The following AFG2B variants were observed in gnomAD, a reference collection of about 807,000 sequenced individuals.
AFG2B encodes AAA ATPase AFG2B, also known as ATPase family gene 2 protein homolog B.
chr15:45,405,279 A>G, the AFG2B span: 2 of 1,576,882 alleles, frequency 1.3e-6, no homozygotes, highest in Non-Finnish European at 1.7e-6. Flanking sequence ...ATTTTAAACT[A>G]TATACTTCTT....
the AFG2B span, among the ~76,000 whole-genome samples, chr15:45,409,739 G>A: frequency 6.6e-6 from 1 of 151,918 alleles, no homozygotes; most frequent in African/African-American, 2.4e-5. Context: ...CCAGGCTGGT[G>A]GCACATACCT....
the AFG2B span, among the ~76,000 whole-genome samples, chr15:45,406,773 AC>A: frequency 1.3e-5 from 2 of 152,178 alleles, no homozygotes; most frequent in African/African-American, 4.8e-5. Flanking sequence ...ATTTTGAAAA[AC>A]CTTTTTACCT....
At chr15:45,417,115 T>C in the AFG2B span, 1 of 797,098 alleles carries the variant, frequency 1.3e-6, no homozygotes, top group South Asian at 2.0e-5. Flanking sequence ...GATATCTTGA[T>C]ATCAAGAAGC....
At chr15:45,405,458 G>A in the AFG2B span, 5 of 1,613,936 alleles carry the variant, frequency 3.1e-6, no homozygotes, top group African/African-American at 6.7e-5. Context: ...CGACCTGACA[G>A]CACTCTGTAG....
At chr15:45,421,262 C>T in the AFG2B span, 1 of 1,304,736 alleles carries the variant, frequency 7.7e-7, no homozygotes. Context: ...GTGAACTTGC[C>T]TGTCGTTTGC....
At chr15:45,413,023 T>C in the AFG2B span, among the ~76,000 whole-genome samples, 1 of 152,244 alleles carries the variant, frequency 6.6e-6, no homozygotes, top group East Asian at 1.9e-4. Context: ...TTTGAGTCCA[T>C]GGATAAGAGC....
At chr15:45,410,596 A>C in the AFG2B span, 2 of 1,464,238 alleles carry the variant, frequency 1.4e-6, no homozygotes, top group South Asian at 1.4e-5. Context: ...ATTTATGATG[A>C]CAACATACTG....
At chr15:45,410,548 C>G in the AFG2B span, 1 of 1,588,432 alleles carries the variant, frequency 6.3e-7, no homozygotes, top group Non-Finnish European at 8.6e-7. Context: ...AGATAATCTA[C>G]TTAATCCAGT....
chr15:45,405,230 G>A, the AFG2B span: 2 of 1,293,108 alleles, frequency 1.5e-6, no homozygotes, highest in Non-Finnish European at 2.1e-6. Context: ...TCATTCTGCT[G>A]TCTACCTCCA....
the AFG2B span, chr15:45,421,161 A>G: frequency 4.9e-4 from 790 of 1,609,890 alleles, no homozygotes; most frequent in Non-Finnish European, 6.2e-4. Flanking sequence ...TTGGCTTTAT[A>G]TGAAAACTTA....
chr15:45,404,429 A>T, the AFG2B span, among the ~76,000 whole-genome samples: 3 of 152,340 alleles, frequency 2.0e-5, no homozygotes, highest in South Asian at 6.2e-4. Context: ...GTATATTCAG[A>T]ATCTAAAGTA....
the AFG2B span, chr15:45,407,067 C>T: frequency 4.7e-6 from 6 of 1,289,182 alleles, no homozygotes; most frequent in East Asian, 1.7e-4. Flanking sequence ...CTTAGGTGGA[C>T]CAGTCAGCTG....
the AFG2B span, chr15:45,421,390 T>A: frequency 2.5e-6 from 1 of 401,192 alleles, no homozygotes; most frequent in Non-Finnish European, 4.3e-6. Context: ...AAAAGGCATA[T>A]TAAATAAAAT....
the AFG2B span, among the ~76,000 whole-genome samples, chr15:45,419,657 AT>A: frequency 1.3e-5 from 2 of 152,174 alleles, no homozygotes; most frequent in African/African-American, 4.8e-5. Context: ...GAAATAGAAC[AT>A]TATAAACACC....
chr15:45,418,754 A>G, the AFG2B span: 5 of 1,569,782 alleles, frequency 3.2e-6, no homozygotes, highest in Non-Finnish European at 4.3e-6. Flanking sequence ...TTCACTCAGC[A>G]GTATTTACTA....
the AFG2B span, among the ~76,000 whole-genome samples, chr15:45,411,238 A>C: frequency 6.6e-6 from 1 of 152,202 alleles, no homozygotes; most frequent in African/African-American, 2.4e-5. Flanking sequence ...TTAGCACTTT[A>C]GAAGGCCGAG....
At chr15:45,407,124 T>G in the AFG2B span, 2 of 1,288,978 alleles carry the variant, frequency 1.6e-6, no homozygotes, top group Non-Finnish European at 2.0e-6. Flanking sequence ...AGGGGCCTGC[T>G]CAGGTGTAGT....
chr15:45,413,646 T>C, the AFG2B span, among the ~76,000 whole-genome samples: 1 of 152,214 alleles, frequency 6.6e-6, no homozygotes, highest in Non-Finnish European at 1.5e-5. Context: ...GTAGCTGGTC[T>C]CCCTGCCTCT....
At chr15:45,403,199 A>G in the AFG2B span, 1 of 1,469,610 alleles carries the variant, frequency 6.8e-7, no homozygotes, top group South Asian at 1.4e-5. Flanking sequence ...GTGGCGCGCG[A>G]GGCGGGCGCG....
Sources: allele counts gnomAD v4.1 joint callset (sites outside exome capture counted in the v4.1 genomes callset), GRCh38; gene constraint gnomAD v4.1.1; transcripts MANE v1.5; gene names NCBI Gene and HGNC (gene_info 2026-07-23, HGNC 2026-07-21).